Variants in CSMD2 observed in about 807,000 individuals in gnomAD.
CSMD2 encodes the protein CUB and sushi domain-containing protein 2.
Under a neutral mutation model 398.5 loss-of-function variants are expected in CSMD2, and 130 were observed. The observed-to-expected ratio is 0.33, with a 90% confidence interval of 0.28 to 0.38. CSMD2 has a LOEUF of 0.38. CSMD2 is among the 10% of genes least tolerant of loss of function. The probability of loss-of-function intolerance (pLI) is 1.00; values close to 1 mark genes in which losing one functional copy is unlikely to be tolerated. For synonymous variants in CSMD2, 1,828 were observed against 1,908.5 expected (o/e 0.96, Z 1.10); for missense variants, 3,829 against 4,764.9 (o/e 0.80, Z 5.78).
intron 3 of CSMD2, among the ~76,000 whole-genome samples, chr1:34,002,554 AC>A (rs1215090918): frequency 6.6e-6 from 1 of 152,222 alleles, no homozygotes; most frequent in Non-Finnish European, 1.5e-5. Flanking sequence ...GGTTGGGGCG[AC>A]TTAAGTGCTT....
chr1:33,681,761 T>C (rs570720613), intron 25 of CSMD2, among the ~76,000 whole-genome samples: 2 of 151,882 alleles, frequency 1.3e-5, no homozygotes, highest in Non-Finnish European at 2.9e-5. Flanking sequence ...AGGTCAGGAG[T>C]TCTAGACCAG....
chr1:34,077,195 C>T (rs180784130), intron 2 of CSMD2, among the ~76,000 whole-genome samples: 4 of 151,666 alleles, frequency 2.6e-5, no homozygotes, highest in East Asian at 1.9e-4. Flanking sequence ...AGTGAGGTCA[C>T]GCCTGTAATC....
intron 57 of CSMD2, 125 bp from the exon 58 acceptor site, chr1:33,543,021 G>A: frequency 1.5e-6 from 1 of 684,192 alleles, no homozygotes; most frequent in South Asian, 2.1e-5. Context: ...TGCCTCTCAT[G>A]CTGCTTTTGT....
intron 25 of CSMD2, among the ~76,000 whole-genome samples, chr1:33,672,930 A>T (rs1263115597): frequency 6.6e-6 from 1 of 152,230 alleles, no homozygotes; most frequent in Non-Finnish European, 1.5e-5. Context: ...ACTAACAAAC[A>T]GAAAGGACAT....
At chr1:33,894,028 G>C (rs969342041) in intron 5 of CSMD2, among the ~76,000 whole-genome samples, 1 of 152,184 alleles carries the variant, frequency 6.6e-6, no homozygotes, top group Non-Finnish European at 1.5e-5. Context: ...GGGACAGGGG[G>C]ATTACTGTTA....
At chr1:33,710,169 G>A (rs528028406) in intron 21 of CSMD2, among the ~76,000 whole-genome samples, 5 of 152,182 alleles carry the variant, frequency 3.3e-5, no homozygotes, top group East Asian at 3.9e-4. Flanking sequence ...CACACAGTGC[G>A]TAGGCAGGGC....
chr1:33,932,483 C>T (rs1644344359), intron 4 of CSMD2, among the ~76,000 whole-genome samples: 2 of 152,102 alleles, frequency 1.3e-5, no homozygotes, highest in African/African-American at 4.8e-5. Flanking sequence ...AGAGTCGTGC[C>T]ACCAAAAGAC....
rs1354881100 is a variant in CSMD2 at position 33,633,671 on chromosome 1, C to T, written c.5087-136G>A. ...GGTTCCTGGGCTGTGGCTTGCTGCA[C>T]TGGTTAGTGCAGTGGCACAGTCTGG... On this transcript the variant is annotated intron_variant, in intron 31 of 70. Coordinates refer to ENST00000373381, the MANE Select transcript of CSMD2 (RefSeq NM_001281956.2). This position sits in a 1 kb window ranked among gnomAD's most constrained non-coding sequence, Gnocchi z 5.0. The T allele has an allele frequency of 3.1e-6, 2 of 653,374 alleles. No individual in the cohort carries two copies. The highest frequency in any genetic ancestry group is 5.5e-6 in the Non-Finnish European group (2 of 364,636). The allele number at this position is 653,374 out of a possible 1,614,324, so 40.5% of individuals were successfully genotyped here. A position where few individuals can be genotyped will look rare whatever the true frequency, so the allele number is the denominator to read the frequency against.
chr1:33,658,230 C>T (rs1255866179), intron 26 of CSMD2, 93 bp from the exon 27 acceptor site: 3 of 1,069,072 alleles, frequency 2.8e-6, no homozygotes, highest in Admixed American at 2.1e-5. Flanking sequence ...TTGCCATCAT[C>T]CGTGCATTGC....
chr1:33,562,565 G>A (rs576505345), intron 53 of CSMD2, among the ~76,000 whole-genome samples: 32 of 152,310 alleles, frequency 2.1e-4, no homozygotes, highest in Middle Eastern at 3.4e-3. Flanking sequence ...GTAGGCAACC[G>A]TCTCAAGCAG....
intron 3 of CSMD2, among the ~76,000 whole-genome samples, chr1:33,944,775 C>G (rs558101521): frequency 2.6e-5 from 4 of 152,206 alleles, no homozygotes; most frequent in African/African-American, 9.6e-5. Flanking sequence ...AACTCTTACC[C>G]GGGGCTACAA....
chr1:33,834,291 AC>A (rs1659977255), intron 6 of CSMD2, among the ~76,000 whole-genome samples: 1 of 70,102 alleles, frequency 1.4e-5, no homozygotes, highest in East Asian at 7.3e-4. Flanking sequence ...TGGTACTGGT[AC>A]CAAAACAGAG....
chr1:33,636,577 C>G lies in CSMD2; in HGVS notation c.4775-23G>C. 1 of 1,606,326 alleles carries G rather than the reference C, an allele frequency of 6.2e-7. No homozygotes were observed. Among genetic ancestry groups the G allele is most frequent in the Non-Finnish European group, 8.5e-7 (1 of 1,173,496 alleles). ...TTTCTGGGAAAAAGAAATACAAACACGTGCACACACACAGAGGGCTCATGA... is the reference window on the plus strand; with the variant it reads ...TTTCTGGGAAAAAGAAATACAAACAGGTGCACACACACAGAGGGCTCATGA... On this transcript the variant is annotated intron_variant, in intron 29 of 70. Transcript: ENST00000373381. The surrounding 1 kb of genome is among the most constrained non-coding windows in gnomAD (Gnocchi z 4.8).
intron 26 of CSMD2, among the ~76,000 whole-genome samples, chr1:33,659,757 G>A (rs1430054704): frequency 6.6e-6 from 1 of 152,210 alleles, no homozygotes; most frequent in African/African-American, 2.4e-5. Context: ...CTCTGGGATT[G>A]TATACGAGTC....
chr1:33,527,212 C>A lies in CSMD2; in HGVS notation c.10218G>T (p.Pro3406=). The A allele has an allele frequency of 6.2e-7, 1 of 1,613,918 alleles. No individual in the cohort carries two copies. The highest frequency in any genetic ancestry group is 8.5e-7 in the Non-Finnish European group (1 of 1,179,840). ...GRPINTAREP[P]LTQALIPGDV... ...CATACGTACTCAAGGCTTGGGTGAGCGGTGGCTCCCGGGCAGTGTTGATGG... is the reference window on the plus strand; with the variant it reads ...CATACGTACTCAAGGCTTGGGTGAGAGGTGGCTCCCGGGCAGTGTTGATGG... The change falls in exon 65 of 71, where the codon CCG becomes CCT. Residue 3406 remains proline (P), a synonymous_variant. Transcript: ENST00000373381.
intron 4 of CSMD2, among the ~76,000 whole-genome samples, chr1:33,919,230 G>A (rs2125285899): frequency 6.6e-6 from 1 of 152,300 alleles, no homozygotes; most frequent in South Asian, 2.1e-4. Flanking sequence ...CAGGTTGCTG[G>A]TATAAGCATC....
At chr1:33,687,365 T>A (rs1487411368) in intron 25 of CSMD2, among the ~76,000 whole-genome samples, 1 of 151,996 alleles carries the variant, frequency 6.6e-6, no homozygotes, top group African/African-American at 2.4e-5. Context: ...AAACAGAAAA[T>A]TAGTTTCCTT....
chr1:33,832,351 C>A (rs1235495320), intron 6 of CSMD2, among the ~76,000 whole-genome samples: 3 of 151,210 alleles, frequency 2.0e-5, no homozygotes, highest in Non-Finnish European at 2.9e-5. Flanking sequence ...ACTCAGGATT[C>A]AGAAACGGAC....
chr1:33,682,371 A>G (rs550322465), intron 25 of CSMD2, among the ~76,000 whole-genome samples: 23 of 152,338 alleles, frequency 1.5e-4, no homozygotes, highest in African/African-American at 5.0e-4. Flanking sequence ...GGTTCCACGC[A>G]TTGGAACCTC....
Sources: allele counts gnomAD v4.1 joint callset (sites outside exome capture counted in the v4.1 genomes callset), GRCh38; gene constraint gnomAD v4.1.1; non-coding constraint Gnocchi (gnomAD v3.1); transcripts MANE v1.5; gene names NCBI Gene and HGNC (gene_info 2026-07-23, HGNC 2026-07-21).